Variants in VWF observed in about 807,000 individuals in gnomAD.
The protein encoded by VWF is Factor VIII related antigen.
Under a neutral mutation model 308.6 loss-of-function variants are expected in VWF, and 176 were observed. The ratio of observed to expected loss-of-function variants is 0.57; its 90% CI spans 0.50 to 0.65. VWF has a LOEUF of 0.65. Ranked by LOEUF, VWF falls within the 30% of genes least tolerant of loss-of-function variation. VWF has a pLI of 0.00. For synonymous variants in VWF, 1,385 were observed against 1,443.4 expected, an observed-to-expected ratio of 0.96 and a Z score of 0.92; for missense variants, 3,146 against 3,648.2, an observed-to-expected ratio of 0.86 and a Z score of 3.55.
chr12:6,031,899 T>TA (rs1205055341), intron 20 of VWF, among the ~76,000 whole-genome samples: 1 of 152,174 alleles, frequency 6.6e-6, no homozygotes, highest in Non-Finnish European at 1.5e-5. Flanking sequence ...AGGCCTTGCC[T>TA]AGAGCCCATT....
intron 20 of VWF, among the ~76,000 whole-genome samples, chr12:6,032,896 A>G (rs1944286319): frequency 1.2e-5 from 1 of 86,766 alleles, no homozygotes; most frequent in African/African-American, 4.9e-5. Context: ...ACGCATACAC[A>G]TACATACACA....
At chr12:6,033,757 T>TC (rs144312922) in intron 20 of VWF, among the ~76,000 whole-genome samples, 5,973 of 152,186 alleles carry the variant, frequency 0.039, 380 homozygotes, top group African/African-American at 0.14. Flanking sequence ...ACACGAGTGG[T>TC]CGGTCCACAG....
intron 14 of VWF, among the ~76,000 whole-genome samples, chr12:6,057,439 A>C (rs990300525): frequency 4.7e-5 from 7 of 148,442 alleles, no homozygotes; most frequent in African/African-American, 1.7e-4. Flanking sequence ...GTAGCTCCCA[A>C]GTAGTTGGGA....
intron 39 of VWF, 71 bp downstream of exon 39, chr12:5,985,492 A>G (rs1297813510): frequency 6.7e-7 from 1 of 1,495,088 alleles, no homozygotes. Flanking sequence ...AGAGGTGAAG[A>G]TGGGTGGCTG....
At chr12:5,975,079 A>T (rs1943518892) in intron 43 of VWF, among the ~76,000 whole-genome samples, 1 of 152,238 alleles carries the variant, frequency 6.6e-6, no homozygotes, top group South Asian at 2.1e-4. Flanking sequence ...TGTTTCCCAC[A>T]GGAACACCTG....
chr12:5,964,617 T>C (rs1222327584), intron 47 of VWF, among the ~76,000 whole-genome samples: 1 of 152,156 alleles, frequency 6.6e-6, no homozygotes, highest in Non-Finnish European at 1.5e-5. Context: ...AGACGACCTG[T>C]CCCAAGGTCA....
At position 5,994,190 on chromosome 12, in the gene VWF, C is replaced by G; in HGVS notation, c.6270G>C (p.Glu2090Asp). 6.2e-7 allele frequency: 1 copy of G among 1,614,098 alleles called. No homozygotes were observed. ...KTYGLCGICDENGANDFMLRD... is the reference protein window; with the variant it reads ...KTYGLCGICDDNGANDFMLRD... ...TCAGCATGAAGTCATTGGCTCCGTTCTCATCACAGATCCCTAGAGAAACAA... is the reference window on the plus strand; with the variant it reads ...TCAGCATGAAGTCATTGGCTCCGTTGTCATCACAGATCCCTAGAGAAACAA... The change falls in exon 37 of 52, where the codon GAG becomes GAC. Residue 2090 changes from glutamate (E) to aspartate (D), a missense_variant. By Grantham distance (45) the Glu-to-Asp change is conservative. Transcript: ENST00000261405.
intron 5 of VWF, among the ~76,000 whole-genome samples, chr12:6,097,385 C>T (rs775591263): frequency 2.2e-4 from 33 of 152,016 alleles, no homozygotes; most frequent in Non-Finnish European, 4.0e-4. Flanking sequence ...TACAGTGAGC[C>T]GAGAATGCAC....
At chr12:6,105,880 C>CAA (rs534133042) in intron 5 of VWF, among the ~76,000 whole-genome samples, 1 of 139,384 alleles carries the variant, frequency 7.2e-6, no homozygotes, top group African/African-American at 2.6e-5. Flanking sequence ...ACTAAAAATA[C>CAA]AAAAAAAAAA....
chr12:5,993,180 C>T lies in VWF; in HGVS notation c.6598+682G>A, dbSNP rs562711289. The stretch of plus-strand genomic sequence containing the variant: ...TATTGATTTCCCTCAAAAAAATAGT[C>T]GAGGATTATATTTGATGACTGAGGG... On this transcript the variant is annotated intron_variant, in intron 37 of 51. Transcript: ENST00000261405. Among the ~76,000 whole-genome samples, 9 of 152,236 alleles carry T rather than the reference C, an allele frequency of 5.9e-5. No individual in the cohort carries two copies. In the South Asian group the frequency reaches 1.7e-3, roughly 28 times the overall value.
chr12:6,034,621 C>T lies in VWF; in HGVS notation c.2685+67G>A. ...TGCAGACAGATCCACAGAACCCAAC[C>T]TGAGGCCACACCTCCCACCCCTCCT... On this transcript the variant is annotated intron_variant, in intron 20 of 51. Coordinates refer to ENST00000261405, the MANE Select transcript of VWF (RefSeq NM_000552.5). 3 of 1,611,420 alleles carry T rather than the reference C, an allele frequency of 1.9e-6. 1 individual carries two copies. In the South Asian group the frequency reaches 3.3e-5, roughly 18 times the overall value.
chr12:5,990,245 T>C (rs1472382466), intron 38 of VWF, among the ~76,000 whole-genome samples: 2 of 152,192 alleles, frequency 1.3e-5, no homozygotes, highest in African/African-American at 4.8e-5. Context: ...ACAGTTCCAG[T>C]GAGGTCAATG....
At chr12:6,093,067 A>G (rs953026275) in intron 6 of VWF, among the ~76,000 whole-genome samples, 1 of 152,070 alleles carries the variant, frequency 6.6e-6, no homozygotes, top group Non-Finnish European at 1.5e-5. Context: ...ACAACTCTGA[A>G]TAAGAAAAGC....
chr12:6,118,381 T>C (rs1945392611), intron 3 of VWF, among the ~76,000 whole-genome samples: 1 of 113,498 alleles, frequency 8.8e-6, no homozygotes, highest in Admixed American at 8.1e-5. Flanking sequence ...GGTCACTTTT[T>C]TTTTTTTTTT....
chr12:5,952,836 C>T (rs117937728), intron 48 of VWF, among the ~76,000 whole-genome samples: 6,812 of 152,290 alleles, frequency 0.045, 206 homozygotes, highest in South Asian at 0.12. Context: ...TACCTCCCAG[C>T]CCCACCAGCT....
In VWF at chr12:6,010,501, C is replaced by A. The variant is rs1243455196; in HGVS notation, c.5842+1116G>T. Among the ~76,000 whole-genome samples the A allele has an allele frequency of 5.9e-5, 9 of 152,184 alleles. No homozygotes were observed. In the South Asian group the frequency reaches 1.9e-3, roughly 32 times the overall value. ...CTTATCTTTTGACCCAAGAATCTCACTTCTAGGAATCTACCCTGAAGACAC... is the reference window on the plus strand; with the variant it reads ...CTTATCTTTTGACCCAAGAATCTCAATTCTAGGAATCTACCCTGAAGACAC... On this transcript the variant is annotated intron_variant, in intron 34 of 51. Transcript: ENST00000261405.
chr12:6,095,796 A>G (rs1231858442), intron 5 of VWF: 6 of 610,464 alleles, frequency 9.8e-6, no homozygotes, highest in Admixed American at 7.9e-5. Flanking sequence ...GACTTGACCC[A>G]TCTCTGGCTT....
rs375810839 is a variant in VWF, at chr12:5,994,602, C to T, written c.6069G>A (p.Thr2023=). 37 of 1,613,896 alleles carry T rather than the reference C, an allele frequency of 2.3e-5. No homozygotes were observed. The highest frequency in any genetic ancestry group is 2.0e-4 in the Admixed American group (12 of 60,016). The change falls in exon 36 of 52, where the codon ACG becomes ACA. Residue 2023 remains threonine, a synonymous_variant. Transcript: ENST00000261405. ...SVELHSDMEV[T]VNGRLVSVPY... ...GAACAGAGACCAGTCTCCCATTCAC[C>T]GTCACCTGCACAAAGAAGAAAGAGC...
intron 47 of VWF, among the ~76,000 whole-genome samples, chr12:5,964,461 A>C (rs1448195410): frequency 6.6e-6 from 1 of 152,328 alleles, no homozygotes; most frequent in East Asian, 1.9e-4. Flanking sequence ...TTTTTAAAGA[A>C]TCAATTTAGC....
Sources: gnomAD v4.1 joint callset for allele counts (sites outside exome capture counted in the v4.1 genomes callset) on GRCh38, gnomAD v4.1.1 for gene constraint, MANE v1.5 for transcripts, NCBI Gene and HGNC (gene_info 2026-07-23, HGNC 2026-07-21) for gene names.